Variants in DENND5A observed in about 807,000 individuals in gnomAD.
DENND5A encodes DENN domain-containing protein 5A.
Under a neutral mutation model 140.3 loss-of-function variants are expected in DENND5A, and 64 were observed. The observed-to-expected ratio is 0.46, with a 90% CI of 0.37 to 0.56. The LOEUF is 0.56. Among genes scored for constraint, DENND5A ranks in the 20% least tolerant of loss-of-function variants. DENND5A has a pLI of 0.00. For missense variants in DENND5A, 1,292 were observed against 1,593.8 expected (o/e 0.81, Z 3.22); for synonymous variants, 605 against 607.7 (o/e 1.00, Z 0.07).
intron 1 of DENND5A, among the ~76,000 whole-genome samples, chr11:9,235,641 G>A (rs1317965744): frequency 6.7e-6 from 1 of 149,062 alleles, no homozygotes; most frequent in Non-Finnish European, 1.5e-5. Context: ...CTGGGCGACA[G>A]AGCAAGACTC....
At chr11:9,177,034 T>C in intron 8 of DENND5A, 1 of 408,968 alleles carries the variant, frequency 2.4e-6, no homozygotes, top group Non-Finnish European at 4.9e-6. Flanking sequence ...GTGGGAGAAC[T>C]GCTTGAGCCC....
chr11:9,158,564 TAAATTAATATAAAATA>T (rs1345081228), intron 12 of DENND5A, among the ~76,000 whole-genome samples: 1 of 151,860 alleles, frequency 6.6e-6, no homozygotes, highest in East Asian at 1.9e-4. Context: ...TAAATTAAAT[TAAATTAATATAAAATA>T]AAATAAAATT....
intron 14 of DENND5A, 41 bp from the exon 15 acceptor site, chr11:9,150,250 G>A: frequency 6.2e-7 from 1 of 1,605,978 alleles, no homozygotes; most frequent in African/African-American, 1.3e-5. Flanking sequence ...GGTGGGATGG[G>A]AGATGAACTC....
rs944260318 is a variant in DENND5A, at chr11:9,145,791, A to C, written c.2882T>G (p.Val961Gly). Residue 961 changes from valine to glycine, a missense_variant, in exon 17 of 23, where the codon GTA becomes GGA. Physicochemically the swap from Val to Gly is moderately radical, Grantham distance 109. Coordinates refer to ENST00000328194, the MANE Select transcript of DENND5A (RefSeq NM_015213.4). ...GGAGCCCCCCAGCTTCTTGCTTGGTACGATCAGAATGTGGTACGGGATCAC... is the reference window on the plus strand; with the variant it reads ...GGAGCCCCCCAGCTTCTTGCTTGGTCCGATCAGAATGTGGTACGGGATCAC... ...TILIPYHILI[V>G]PSKKLGGSMF... 1.6e-5 allele frequency: 26 copies of C among 1,614,048 alleles called. No homozygotes were observed. In the Admixed American group the frequency reaches 4.2e-4, roughly 26 times the overall value.
intron 11 of DENND5A, among the ~76,000 whole-genome samples, chr11:9,162,135 A>G (rs1381754180): frequency 1.6e-5 from 2 of 125,000 alleles, no homozygotes; most frequent in Non-Finnish European, 3.3e-5. Context: ...ATATTTTGGC[A>G]TATTTCTTTC....
chr11:9,176,912 A>C, intron 8 of DENND5A: 1 of 456,216 alleles, frequency 2.2e-6, no homozygotes, highest in Non-Finnish European at 4.4e-6. Context: ...CCTATGAGAC[A>C]ATGAAAGTTG....
chr11:9,205,641 G>A (rs905822145), intron 3 of DENND5A, among the ~76,000 whole-genome samples: 2 of 152,134 alleles, frequency 1.3e-5, no homozygotes, highest in Admixed American at 6.6e-5. Context: ...GCCTATAGTC[G>A]CAGCACTTTG....
rs1344486389 is a variant in DENND5A, at chr11:9,142,096, G to A, written c.3524C>T (p.Thr1175Ile). The A allele has an allele frequency of 6.3e-7, 1 of 1,588,516 alleles. No homozygotes were observed. The highest frequency in any genetic ancestry group is 8.6e-7 in the Non-Finnish European group (1 of 1,165,638). Residue 1175 changes from threonine to isoleucine, a missense_variant, in exon 22 of 23, where the codon ACC becomes ATC. Physicochemically the swap from Thr to Ile is moderately conservative, Grantham distance 89. Transcript: ENST00000328194. ...FIWDFLEKAQ[T>I]YYETLEKNEV... The stretch of plus-strand genomic sequence containing the variant: ...ATTCTTCTCTAATGTCTCATAATAG[G>A]TTTGTGCTTTTTCTGTGAAGAGTAG...
chr11:9,246,982 GCACT>G (rs1317242265), intron 1 of DENND5A, among the ~76,000 whole-genome samples: 3 of 152,096 alleles, frequency 2.0e-5, no homozygotes, highest in African/African-American at 7.2e-5. Context: ...TGTAATCCCA[GCACT>G]CTGGGAGGCC....
intron 1 of DENND5A, among the ~76,000 whole-genome samples, chr11:9,255,445 C>T (rs565282297): frequency 1.6e-4 from 25 of 151,936 alleles, no homozygotes; most frequent in Non-Finnish European, 3.2e-4. Context: ...AAAAATTAGT[C>T]GGGCAGCCAG....
intron 5 of DENND5A, among the ~76,000 whole-genome samples, chr11:9,193,016 G>C (rs1389554790): frequency 1.3e-5 from 2 of 152,170 alleles, no homozygotes; most frequent in Non-Finnish European, 1.5e-5. Flanking sequence ...CTTGAGCCCA[G>C]GAGTTCGAGA....
intron 4 of DENND5A, among the ~76,000 whole-genome samples, chr11:9,198,887 A>G (rs545035102): frequency 8.7e-5 from 13 of 150,206 alleles, no homozygotes; most frequent in Non-Finnish European, 1.6e-4. Context: ...CCCGGCCAAC[A>G]TGGTGAAACC....
In DENND5A at chr11:9,145,812, A is replaced by G; in HGVS notation, c.2861T>C (p.Ile954Thr). The change falls in exon 17 of 23, where the codon ATC (isoleucine) becomes ACC (threonine). Residue 954 changes from isoleucine to threonine, a missense_variant. This residue lies in a region of DENND5A where 498 missense variants were observed against 689.7 expected (regional missense o/e 0.72). Coordinates refer to ENST00000328194, the MANE Select transcript of DENND5A (RefSeq NM_015213.4). ...CFTNVFTTIL[I>T]PYHILIVPSK... Reference sequence around the variant, plus strand: ...TGGTACGATCAGAATGTGGTACGGGATCACTGTTTAGGGGAAGCCACAAAA... The same window carrying G: ...TGGTACGATCAGAATGTGGTACGGGGTCACTGTTTAGGGGAAGCCACAAAA... 1.2e-6 allele frequency: 2 copies of G among 1,614,160 alleles called. No individual in the cohort carries two copies. Among genetic ancestry groups the G allele is most frequent in the Non-Finnish European group, 1.7e-6 (2 of 1,180,018 alleles).
At position 9,264,989 on chromosome 11, in the gene DENND5A, C is replaced by A. The variant is rs202226768; in HGVS notation, c.81G>T (p.Glu27Asp). ...ACAGCTCGTCCGGCTCCAGCCCGGTCTCCGTGTCCAGTCCGCAGATGACAA... is the reference window on the plus strand; with the variant it reads ...ACAGCTCGTCCGGCTCCAGCCCGGTATCCGTGTCCAGTCCGCAGATGACAA... Reference protein sequence around the residue: ...DYFVICGLDTETGLEPDELSA... With the variant: ...DYFVICGLDTDTGLEPDELSA... The change falls in exon 1 of 23, where the codon GAG becomes GAT. Residue 27 changes from glutamate (E) to aspartate (D), a missense_variant. Coordinates refer to ENST00000328194, the MANE Select transcript of DENND5A (RefSeq NM_015213.4). 2.1e-3 allele frequency: 3,311 copies of A among 1,588,656 alleles called. 5 individuals are homozygous for A. The highest frequency in any genetic ancestry group is 2.7e-3 in the Non-Finnish European group (3,100 of 1,169,622).
intron 5 of DENND5A, among the ~76,000 whole-genome samples, chr11:9,188,162 A>C (rs541235299): frequency 6.6e-6 from 1 of 152,240 alleles, no homozygotes; most frequent in Non-Finnish European, 1.5e-5. Flanking sequence ...TGTTCTTGTG[A>C]CAGTGAATAA....
chr11:9,209,696 A>T (rs1248384833), intron 1 of DENND5A, among the ~76,000 whole-genome samples: 1 of 152,212 alleles, frequency 6.6e-6, no homozygotes, highest in Non-Finnish European at 1.5e-5. Flanking sequence ...TCATATTCTC[A>T]TTTCAGCCGC....
Position 9,222,046 on chromosome 11 carries a change from T to G in DENND5A, c.110-14414A>C, listed in dbSNP as rs549493826. On this transcript the variant is annotated intron_variant, in intron 1 of 22. Transcript: ENST00000328194. ...TGCTGGGATTACAGGCGTGAGCCAC[T>G]GCGCTTGGCAAGAATTTTTAATATC... Among the ~76,000 whole-genome samples, 8 of 152,108 alleles carry G rather than the reference T, an allele frequency of 5.3e-5. No homozygotes were observed. In the East Asian group the frequency reaches 9.6e-4, roughly 18 times the overall value.
At chr11:9,152,335 C>G (rs188286487) in intron 13 of DENND5A, 23 bp downstream of exon 13, 1 of 1,544,384 alleles carries the variant, frequency 6.5e-7, no homozygotes, top group South Asian at 1.1e-5. Context: ...AGGGCAGACT[C>G]TCCATTGCAG....
intron 5 of DENND5A, among the ~76,000 whole-genome samples, chr11:9,192,638 C>CAAAAAAAAAACA (rs141358183): frequency 2.8e-5 from 4 of 140,720 alleles, no homozygotes; most frequent in Non-Finnish European, 4.7e-5. Context: ...AAAAAAAAAA[C>CAAAAAAAAAACA]AAAAAAAAAC....
Sources: allele counts gnomAD v4.1 joint callset (sites outside exome capture counted in the v4.1 genomes callset), GRCh38; gene constraint gnomAD v4.1.1; regional missense constraint gnomAD v4.1.1; transcripts MANE v1.5; gene names NCBI Gene and HGNC (gene_info 2026-07-23, HGNC 2026-07-21).